The following PBX4 variants were observed in gnomAD, a reference collection of about 807,000 sequenced individuals.
PBX4 encodes pre-B-cell leukemia transcription factor 4.
A neutral mutation model predicts 35.1 loss-of-function variants in PBX4; 26 were observed. That is an observed-to-expected ratio of 0.74 (90% CI 0.54 to 1.03). The LOEUF (loss-of-function observed/expected upper bound fraction) is 1.03, where lower values mean the gene tolerates loss of function less well. PBX4 is among the 50% of genes least tolerant of loss of function. The pLI is 0.00. For missense variants in PBX4, 448 were observed against 504.3 expected, an observed-to-expected ratio of 0.89 and a Z score of 1.07; for synonymous variants, 199 against 204.2, an observed-to-expected ratio of 0.97 and a Z score of 0.22.
intron 2 of PBX4, among the ~76,000 whole-genome samples, chr19:19,582,613 T>C (rs932376439): frequency 2.0e-5 from 3 of 152,182 alleles, no homozygotes; most frequent in African/African-American, 4.8e-5. Flanking sequence ...GTACTCATTC[T>C]CCATGCCCAC....
intron 1 of PBX4, among the ~76,000 whole-genome samples, chr19:19,610,705 A>T (rs1305637002): frequency 6.6e-6 from 1 of 152,078 alleles, no homozygotes; most frequent in African/African-American, 2.4e-5. Flanking sequence ...CAGTGAGCCG[A>T]GATTACGCCA....
chr19:19,580,895 GC>G (rs1337941149), intron 2 of PBX4, among the ~76,000 whole-genome samples: 1 of 152,204 alleles, frequency 6.6e-6, no homozygotes, highest in African/African-American at 2.4e-5. Flanking sequence ...ACCCTGCCCA[GC>G]TAATTTTTAT....
chr19:19,604,772 TTA>T (rs2144780826), intron 1 of PBX4, among the ~76,000 whole-genome samples: 1 of 151,728 alleles, frequency 6.6e-6, no homozygotes, highest in Non-Finnish European at 1.5e-5. Flanking sequence ...AGCTAATTTT[TTA>T]TGTTTTTAGT....
chr19:19,592,409 T>C (rs1049740195), intron 2 of PBX4, among the ~76,000 whole-genome samples: 5 of 152,108 alleles, frequency 3.3e-5, no homozygotes, highest in Admixed American at 6.5e-5. Flanking sequence ...AGGGTGTCCT[T>C]GGCCTTCAGA....
intron 2 of PBX4, among the ~76,000 whole-genome samples, chr19:19,593,536 A>C (rs2061541630): frequency 6.6e-6 from 1 of 152,100 alleles, no homozygotes; most frequent in South Asian, 2.1e-4. Context: ...TCCTGACATC[A>C]AGGCAGGTGG....
chr19:19,582,911 A>G (rs913152601), intron 2 of PBX4, among the ~76,000 whole-genome samples: 4 of 152,242 alleles, frequency 2.6e-5, no homozygotes, highest in Non-Finnish European at 5.9e-5. Flanking sequence ...GGCACCGAAG[A>G]AGTGAGCCAC....
chr19:19,606,274 C>G (rs2061630793), intron 1 of PBX4: 1 of 152,322 alleles, frequency 6.6e-6, no homozygotes, highest in East Asian at 1.9e-4. Context: ...CACCAGCTGC[C>G]ATGTCATGAC....
chr19:19,600,212 T>A (rs952401367), intron 1 of PBX4, among the ~76,000 whole-genome samples: 4 of 151,964 alleles, frequency 2.6e-5, no homozygotes, highest in Admixed American at 2.6e-4. Context: ...ATGCAAAAGT[T>A]TAAACAATGC....
intron 5 of PBX4, among the ~76,000 whole-genome samples, chr19:19,568,835 C>T (rs1373653178): frequency 6.6e-6 from 1 of 152,226 alleles, no homozygotes; most frequent in East Asian, 1.9e-4. Context: ...GGAGCTCACA[C>T]TCCGTCTGTG....
At chr19:19,575,236 CAA>C (rs34956246) in intron 2 of PBX4, among the ~76,000 whole-genome samples, 30 of 93,644 alleles carry the variant, frequency 3.2e-4, no homozygotes, top group Admixed American at 9.1e-4. Context: ...GACTCTGTCT[CAA>C]AAAAAAAAAA....
At chr19:19,583,961 C>T (rs929197987) in intron 2 of PBX4, among the ~76,000 whole-genome samples, 1 of 152,024 alleles carries the variant, frequency 6.6e-6, no homozygotes, top group Non-Finnish European at 1.5e-5. Flanking sequence ...CCCAGCTACT[C>T]GGGAGGCTGA....
rs1196947199 is a variant in PBX4 at position 19,583,034 on chromosome 19, G to A, written c.194-12201C>T. On this transcript the variant is annotated intron_variant, in intron 2 of 7. Transcript: ENST00000251203. ...ACTCTTTCCCAGCAAGAGAGCGGAG[G>A]TGGCCAGGCGCGGTGGCTCATGCCT... Among the ~76,000 whole-genome samples, 9 of 152,246 alleles carry A rather than the reference G, an allele frequency of 5.9e-5. No individual in the cohort carries two copies. In the East Asian group the frequency reaches 1.7e-3, roughly 29 times the overall value.
In PBX4 at chr19:19,581,787, T is replaced by G. The variant is rs990349255; in HGVS notation, c.194-10954A>C. Among the ~76,000 whole-genome samples, 21 of 152,160 alleles carry G rather than the reference T, an allele frequency of 1.4e-4. 2 individuals carry two copies. On this transcript the variant is annotated intron_variant, in intron 2 of 7. Transcript: ENST00000251203. ...AACCCAGGTCATGCGGTGCTGCCATTGGCTTTGGGAGCTGAGGGACTGGAT... is the reference window on the plus strand; with the variant it reads ...AACCCAGGTCATGCGGTGCTGCCATGGGCTTTGGGAGCTGAGGGACTGGAT...
intron 2 of PBX4, among the ~76,000 whole-genome samples, chr19:19,576,721 G>A (rs960165898): frequency 2.6e-5 from 4 of 151,560 alleles, no homozygotes; most frequent in South Asian, 2.1e-4. Flanking sequence ...GGGGTCAAGC[G>A]ATCCTCCTGC....
chr19:19,577,850 T>C (rs1222361783), intron 2 of PBX4, among the ~76,000 whole-genome samples: 4 of 143,608 alleles, frequency 2.8e-5, no homozygotes, highest in African/African-American at 1.0e-4. Flanking sequence ...AAAGGGAGAC[T>C]CCATCTAAAA....
At chr19:19,605,485 G>A (rs2061625349) in intron 1 of PBX4, among the ~76,000 whole-genome samples, 1 of 147,236 alleles carries the variant, frequency 6.8e-6, no homozygotes, top group South Asian at 2.1e-4. Context: ...AATTATCTGG[G>A]TTTGGTGGCA....
At chr19:19,593,961 C>G (rs1452358297) in intron 2 of PBX4, among the ~76,000 whole-genome samples, 2 of 150,718 alleles carry the variant, frequency 1.3e-5, no homozygotes, top group Non-Finnish European at 3.0e-5. Flanking sequence ...CCTCATCCCC[C>G]CAAAAATAGT....
chr19:19,589,262 A>G (rs1192779306), intron 2 of PBX4, among the ~76,000 whole-genome samples: 1 of 151,988 alleles, frequency 6.6e-6, no homozygotes, highest in African/African-American at 2.4e-5. Flanking sequence ...CCCCATCTCT[A>G]CTAAAAATAC....
intron 2 of PBX4, among the ~76,000 whole-genome samples, chr19:19,590,147 AG>A (rs1216135984): frequency 6.6e-6 from 1 of 152,006 alleles, no homozygotes; most frequent in Admixed American, 6.6e-5. Context: ...TTTATTTCCA[AG>A]GTTGTGCGAC....
Sources: allele counts gnomAD v4.1 joint callset (sites outside exome capture counted in the v4.1 genomes callset), GRCh38; gene constraint gnomAD v4.1.1; transcripts MANE v1.5; gene names NCBI Gene and HGNC (gene_info 2026-07-23, HGNC 2026-07-21).